C8orf34: variants seen among roughly 807,000 people sequenced by gnomAD.
C8orf34 encodes the protein uncharacterized protein C8orf34.
A neutral mutation model predicts 68.3 loss-of-function variants in C8orf34; 65 were observed. The ratio of observed to expected loss-of-function variants is 0.95; its 90% CI spans 0.78 to 1.17. The LOEUF (loss-of-function observed/expected upper bound fraction) is 1.17, where lower values mean the gene tolerates loss of function less well. C8orf34 is among the 50% of genes most tolerant of loss of function. The probability of loss-of-function intolerance (pLI) is 0.00; values close to 1 mark genes in which losing one functional copy is unlikely to be tolerated. For missense variants in C8orf34, 664 were observed against 655.4 expected (o/e 1.01, Z -0.14); for synonymous variants, 244 against 241.2 (o/e 1.01, Z -0.11).
chr8:68,697,207 T>C (rs1282901471), intron 8 of C8orf34, among the ~76,000 whole-genome samples: 1 of 152,044 alleles, frequency 6.6e-6, no homozygotes, highest in East Asian at 1.9e-4. Flanking sequence ...GATATTTCCT[T>C]TTATTTGCTG....
intron 7 of C8orf34, among the ~76,000 whole-genome samples, chr8:68,604,266 A>C (rs6986162): frequency 0.27 from 40,747 of 151,868 alleles, 7,627 homozygotes; most frequent in African/African-American, 0.54. Flanking sequence ...AGCTTTAGAC[A>C]TGAATGGGCT....
At chr8:68,396,117 G>T (rs1240025355) in intron 1 of C8orf34, among the ~76,000 whole-genome samples, 1 of 151,710 alleles carries the variant, frequency 6.6e-6, no homozygotes, top group Non-Finnish European at 1.5e-5. Context: ...GCATATTTTG[G>T]CATATTTTTT....
intron 7 of C8orf34, among the ~76,000 whole-genome samples, chr8:68,608,228 T>C (rs1387543932): frequency 6.6e-6 from 1 of 151,764 alleles, no homozygotes; most frequent in Non-Finnish European, 1.5e-5. Context: ...AAGAAATGAG[T>C]ATAATAGAAA....
chr8:68,545,178 G>A (rs1383077934), intron 7 of C8orf34, among the ~76,000 whole-genome samples: 1 of 152,050 alleles, frequency 6.6e-6, no homozygotes, highest in Non-Finnish European at 1.5e-5. Flanking sequence ...AATCCTGGGG[G>A]CGGTTTTCCC....
chr8:68,373,038 C>T (rs1034792482), intron 1 of C8orf34, among the ~76,000 whole-genome samples: 30 of 152,060 alleles, frequency 2.0e-4, no homozygotes, highest in African/African-American at 6.5e-4. Flanking sequence ...TCTTGTTGCC[C>T]AGCCTGGAGT....
intron 6 of C8orf34, among the ~76,000 whole-genome samples, chr8:68,531,955 T>C (rs930032644): frequency 6.6e-6 from 1 of 151,962 alleles, no homozygotes; most frequent in Non-Finnish European, 1.5e-5. Flanking sequence ...CTTCCCCTGA[T>C]TGAACAGTAG....
chr8:68,408,639 A>G (rs1012592925), intron 1 of C8orf34, among the ~76,000 whole-genome samples: 4 of 152,218 alleles, frequency 2.6e-5, no homozygotes, highest in Non-Finnish European at 4.4e-5. Context: ...CGTTTCAGTC[A>G]TGATGAACTG....
intron 8 of C8orf34, among the ~76,000 whole-genome samples, chr8:68,680,168 T>C (rs1315158909): frequency 6.6e-6 from 1 of 152,178 alleles, no homozygotes; most frequent in Admixed American, 6.6e-5. Flanking sequence ...ATTTGAAAAC[T>C]ATCCACTTGA....
At chr8:68,414,523 CT>C (rs1434417778) in intron 1 of C8orf34, among the ~76,000 whole-genome samples, 1 of 152,184 alleles carries the variant, frequency 6.6e-6, no homozygotes, top group Non-Finnish European at 1.5e-5. Context: ...TTTAGTAACA[CT>C]ATTGACATAA....
chr8:68,665,638 A>T (rs932284796), intron 8 of C8orf34, among the ~76,000 whole-genome samples: 2 of 152,160 alleles, frequency 1.3e-5, no homozygotes, highest in Non-Finnish European at 2.9e-5. Context: ...TGTCAACTAG[A>T]TTCCAGTCTT....
intron 1 of C8orf34, among the ~76,000 whole-genome samples, chr8:68,418,241 C>T (rs1415682789): frequency 7.2e-6 from 1 of 138,720 alleles, no homozygotes; most frequent in East Asian, 2.0e-4. Flanking sequence ...CATCTGCAAA[C>T]AGGGACAATT....
intron 7 of C8orf34, among the ~76,000 whole-genome samples, chr8:68,564,518 C>T (rs893233736): frequency 1.1e-4 from 16 of 152,146 alleles, no homozygotes; most frequent in Non-Finnish European, 1.5e-4. Context: ...CTTCTTTGCT[C>T]CTGGTCCTAT....
intron 7 of C8orf34, among the ~76,000 whole-genome samples, chr8:68,604,691 C>T (rs1232180617): frequency 6.6e-6 from 1 of 151,932 alleles, no homozygotes; most frequent in Non-Finnish European, 1.5e-5. Flanking sequence ...TACCTTATGC[C>T]CTTCATAACA....
At chr8:68,732,706 T>C (rs1267946473) in intron 10 of C8orf34, among the ~76,000 whole-genome samples, 1 of 152,236 alleles carries the variant, frequency 6.6e-6, no homozygotes, top group African/African-American at 2.4e-5. Flanking sequence ...CATTTTCCTC[T>C]TGGAATTCTT....
chr8:68,436,579 G>T (rs1349072953), intron 1 of C8orf34, among the ~76,000 whole-genome samples: 4 of 152,036 alleles, frequency 2.6e-5, no homozygotes, highest in Non-Finnish European at 5.9e-5. Context: ...TTCTCCCAGG[G>T]AATCTCATGT....
chr8:68,430,884 C>A (rs921300149), intron 1 of C8orf34, among the ~76,000 whole-genome samples: 8 of 151,644 alleles, frequency 5.3e-5, no homozygotes, highest in Middle Eastern at 3.4e-3. Context: ...CATTTTTTTT[C>A]CTTATAGGAA....
At chr8:68,492,161 A>G (rs555714712) in intron 5 of C8orf34, among the ~76,000 whole-genome samples, 2 of 152,204 alleles carry the variant, frequency 1.3e-5, no homozygotes, top group South Asian at 4.1e-4. Context: ...TCTTATTGAA[A>G]TTTTTTTCTT....
At chr8:68,587,935 G>T (rs564201120) in intron 7 of C8orf34, among the ~76,000 whole-genome samples, 1 of 152,248 alleles carries the variant, frequency 6.6e-6, no homozygotes, top group South Asian at 2.1e-4. Flanking sequence ...TGTATGTACA[G>T]ATCAAAGGAT....
chr8:68,455,768 T>G (rs1211111876), intron 3 of C8orf34, among the ~76,000 whole-genome samples: 1 of 152,060 alleles, frequency 6.6e-6, no homozygotes, highest in Non-Finnish European at 1.5e-5. Flanking sequence ...GTTAAAACTC[T>G]TTAGGAATAG....
Sources: gnomAD v4.1 joint callset for allele counts (sites outside exome capture counted in the v4.1 genomes callset) on GRCh38, gnomAD v4.1.1 for gene constraint, MANE v1.5 for transcripts, NCBI Gene and HGNC (gene_info 2026-07-23, HGNC 2026-07-21) for gene names.